EDAR: variants seen among roughly 807,000 people sequenced by gnomAD.
The protein encoded by EDAR is tumor necrosis factor receptor superfamily member EDAR.
A neutral mutation model predicts 51.3 loss-of-function variants in EDAR; 38 were observed. The observed-to-expected ratio is 0.74, with a 90% confidence interval of 0.57 to 0.97. EDAR has a LOEUF of 0.97. Among genes scored for constraint, EDAR ranks in the 50% least tolerant of loss-of-function variants. EDAR has a pLI of 0.00. For missense variants in EDAR, 528 were observed against 595.0 expected (o/e 0.89, Z 1.17); for synonymous variants, 227 against 242.1 (o/e 0.94, Z 0.58).
chr2:108,906,255 C>G, intron 11 of EDAR, 53 bp downstream of exon 11: 1 of 1,600,786 alleles, frequency 6.2e-7, no homozygotes, highest in Non-Finnish European at 8.6e-7. Flanking sequence ...GGGCCCAGCC[C>G]TTCATGTCGG....
At chr2:108,897,992 G>GA (rs1384216360) in intron 11 of EDAR, among the ~76,000 whole-genome samples, 2 of 152,104 alleles carry the variant, frequency 1.3e-5, no homozygotes, top group African/African-American at 4.8e-5. Context: ...ACATGGGGCA[G>GA]AAAAGTCCAA....
At chr2:108,908,058 G>T (rs767895024) in intron 9 of EDAR, 39 bp from the exon 10 acceptor site, 4 of 1,571,598 alleles carry the variant, frequency 2.5e-6, no homozygotes, top group Non-Finnish European at 2.6e-6. Flanking sequence ...CAGTGCCTGG[G>T]GGGGCTGCAG....
At chr2:108,923,340 G>T (rs144492072) in intron 5 of EDAR, 28 bp downstream of exon 5, 1 of 1,605,322 alleles carries the variant, frequency 6.2e-7, no homozygotes, top group Non-Finnish European at 8.5e-7. Flanking sequence ...AACAAATACC[G>T]TGCTGGTGGA....
At chr2:108,956,479 T>G (rs1415035773) in intron 1 of EDAR, among the ~76,000 whole-genome samples, 2 of 152,198 alleles carry the variant, frequency 1.3e-5, no homozygotes, top group Non-Finnish European at 2.9e-5. Flanking sequence ...GTCTCTCACG[T>G]CAGCAGGTTC....
intron 1 of EDAR, among the ~76,000 whole-genome samples, chr2:108,942,933 C>G (rs1697635738): frequency 6.6e-6 from 1 of 152,228 alleles, no homozygotes. Flanking sequence ...TGCTCCTAAT[C>G]CTGGGATTAG....
At chr2:108,973,924 A>G (rs12992554) in intron 1 of EDAR, among the ~76,000 whole-genome samples, 71,018 of 152,106 alleles carry the variant, frequency 0.47, 19,600 homozygotes, top group South Asian at 0.75. Context: ...TAAACCAATT[A>G]CGGAGCTGTA....
intron 1 of EDAR, among the ~76,000 whole-genome samples, chr2:108,978,982 G>GA (rs1698376479): frequency 6.6e-6 from 1 of 152,244 alleles, no homozygotes; most frequent in Non-Finnish European, 1.5e-5. Context: ...GCAGGGGCAG[G>GA]AGGGGGTGTA....
At chr2:108,958,748 G>T (rs758341258) in intron 1 of EDAR, among the ~76,000 whole-genome samples, 4 of 152,236 alleles carry the variant, frequency 2.6e-5, no homozygotes, top group Non-Finnish European at 5.9e-5. Context: ...TAAAGCTCAA[G>T]CGCAAGGCTT....
intron 5 of EDAR, among the ~76,000 whole-genome samples, chr2:108,914,409 C>T (rs1696989664): frequency 6.6e-6 from 1 of 152,194 alleles, no homozygotes; most frequent in Admixed American, 6.5e-5. Flanking sequence ...CATGTTTTTA[C>T]ATGGTTGTGA....
chr2:108,974,287 A>C (rs538644431), intron 1 of EDAR, among the ~76,000 whole-genome samples: 2 of 140,034 alleles, frequency 1.4e-5, no homozygotes, highest in African/African-American at 5.5e-5. Context: ...CTGAGATCAC[A>C]CCACTGCACT....
intron 1 of EDAR, among the ~76,000 whole-genome samples, chr2:108,943,180 T>A (rs1697642525): frequency 6.6e-6 from 1 of 152,178 alleles, no homozygotes; most frequent in South Asian, 2.1e-4. Flanking sequence ...AGAATTCGTT[T>A]CTTCGTCATT....
At chr2:108,924,286 T>A (rs1697209364) in intron 4 of EDAR, among the ~76,000 whole-genome samples, 1 of 152,256 alleles carries the variant, frequency 6.6e-6, no homozygotes, top group Non-Finnish European at 1.5e-5. Context: ...CTGTGCTCCC[T>A]GCAGCCGTCC....
At chr2:108,940,560 G>T (rs981014593) in intron 1 of EDAR, among the ~76,000 whole-genome samples, 1 of 152,260 alleles carries the variant, frequency 6.6e-6, no homozygotes, top group Non-Finnish European at 1.5e-5. Context: ...TCGGGCGGAG[G>T]TGAGAGCAGC....
At chr2:108,911,553 G>A (rs1696929392) in intron 6 of EDAR, among the ~76,000 whole-genome samples, 1 of 152,186 alleles carries the variant, frequency 6.6e-6, no homozygotes, top group Non-Finnish European at 1.5e-5. Context: ...GAGCCCCAGG[G>A]CACAGGGGGT....
chr2:108,962,311 G>A (rs543140101), intron 1 of EDAR, among the ~76,000 whole-genome samples: 1 of 152,300 alleles, frequency 6.6e-6, no homozygotes, highest in East Asian at 1.9e-4. Flanking sequence ...TGTCTTACAG[G>A]TAATGAAATG....
At chr2:108,956,784 C>CTT (rs967646109) in intron 1 of EDAR, among the ~76,000 whole-genome samples, 2,857 of 123,186 alleles carry the variant, frequency 0.023, 51 homozygotes, top group East Asian at 0.1. Flanking sequence ...CGAAAGCTCT[C>CTT]TTTTTTTTTT....
intron 5 of EDAR, among the ~76,000 whole-genome samples, chr2:108,916,638 C>G (rs1403082007): frequency 6.6e-6 from 1 of 152,136 alleles, no homozygotes; most frequent in Non-Finnish European, 1.5e-5. Context: ...AGGCTGGGTG[C>G]TCCCTGGTGT....
intron 1 of EDAR, among the ~76,000 whole-genome samples, chr2:108,971,826 G>A (rs1698239493): frequency 6.6e-6 from 1 of 152,224 alleles, no homozygotes; most frequent in South Asian, 2.1e-4. Context: ...CTGGATTTTA[G>A]TGACTCGTTT....
At chr2:108,983,376 G>A (rs1698446913) in intron 1 of EDAR, among the ~76,000 whole-genome samples, 1 of 152,100 alleles carries the variant, frequency 6.6e-6, no homozygotes, top group Admixed American at 6.6e-5. Context: ...TGGGGCCAGA[G>A]GTAATGTTTA....
Sources: allele counts gnomAD v4.1 joint callset (sites outside exome capture counted in the v4.1 genomes callset), GRCh38; gene constraint gnomAD v4.1.1; transcripts MANE v1.5; gene names NCBI Gene and HGNC (gene_info 2026-07-23, HGNC 2026-07-21).